Variants in LAMB1 observed in about 807,000 individuals in gnomAD.
The protein encoded by LAMB1 is laminin subunit beta 1, also known as laminin subunit beta-1.
In LAMB1, 121 loss-of-function variants were observed where a neutral mutation model predicts 222.3. The ratio of observed to expected loss-of-function variants is 0.54; its 90% CI spans 0.47 to 0.63. The LOEUF is 0.63. Ranked by LOEUF, LAMB1 falls within the 30% of genes least tolerant of loss-of-function variation. LAMB1 has a pLI of 0.00. For synonymous variants in LAMB1, 794 were observed against 807.2 expected (o/e 0.98, Z 0.28); for missense variants, 2,172 against 2,240.8 (o/e 0.97, Z 0.62).
At chr7:107,999,692 G>C (rs941087302) in intron 3 of LAMB1, 1 of 89,994 alleles carries the variant, frequency 1.1e-5, no homozygotes, top group Non-Finnish European at 2.1e-5. Context: ...CCTTTCTTTA[G>C]GCCCTATCTG....
chr7:107,959,846 G>C lies in LAMB1; in HGVS notation c.2315-12C>G, dbSNP rs1375824733. 1.2e-6 allele frequency: 2 copies of C among 1,610,558 alleles called. No homozygotes were observed. Among genetic ancestry groups the C allele is most frequent in the Non-Finnish European group, 1.7e-6 (2 of 1,178,162 alleles). Reference sequence around the variant, plus strand: ...GTCGCATTCACAAGCTGTGGGTAAAGAGAGGCCAGAACCCATGACACGGAG... The same window carrying C: ...GTCGCATTCACAAGCTGTGGGTAAACAGAGGCCAGAACCCATGACACGGAG... On this transcript the variant is annotated splice_polypyrimidine_tract_variant and intron_variant, in intron 18 of 33. Transcript: ENST00000222399.
intron 3 of LAMB1, among the ~76,000 whole-genome samples, 173 bp downstream of exon 3, chr7:108,001,385 T>G (rs575031462): frequency 6.6e-6 from 1 of 152,292 alleles, no homozygotes; most frequent in African/African-American, 2.4e-5. Flanking sequence ...GATGCAACTG[T>G]GCAAACTGAG....
intron 31 of LAMB1, among the ~76,000 whole-genome samples, chr7:107,928,500 G>GC (rs2032621377): frequency 6.7e-6 from 1 of 148,934 alleles, no homozygotes. Flanking sequence ...GAATAGGAGT[G>GC]CTTTTTTTTT....
intron 24 of LAMB1, among the ~76,000 whole-genome samples, chr7:107,944,574 G>A (rs1415193549): frequency 6.6e-6 from 1 of 152,152 alleles, no homozygotes; most frequent in Non-Finnish European, 1.5e-5. Flanking sequence ...AATGTACCAG[G>A]TTTTGATTTC....
chr7:107,996,678 C>T (rs897875613), intron 4 of LAMB1, among the ~76,000 whole-genome samples: 1 of 152,200 alleles, frequency 6.6e-6, no homozygotes, highest in African/African-American at 2.4e-5. Context: ...TTCTTTCTGG[C>T]ATCTGGTCTC....
intron 24 of LAMB1, among the ~76,000 whole-genome samples, chr7:107,943,986 C>T (rs1342807918): frequency 2.0e-5 from 3 of 152,140 alleles, no homozygotes; most frequent in African/African-American, 7.2e-5. Context: ...TAAAACTTAC[C>T]TTGTCTACCA....
chr7:107,948,222 A>G (rs936992979), intron 24 of LAMB1, among the ~76,000 whole-genome samples: 2 of 152,034 alleles, frequency 1.3e-5, no homozygotes, highest in Non-Finnish European at 2.9e-5. Context: ...CCTGACCTCA[A>G]GTGATCCGCC....
chr7:107,958,686 C>G (rs1207257060), intron 20 of LAMB1, among the ~76,000 whole-genome samples: 1 of 152,086 alleles, frequency 6.6e-6, no homozygotes, highest in Non-Finnish European at 1.5e-5. Flanking sequence ...ATTGAGCTAT[C>G]CTATTAATGT....
rs571064446 is a variant in LAMB1 at position 107,980,653 on chromosome 7, C to T, written c.835G>A (p.Glu279Lys). 5.5e-5 allele frequency: 89 copies of T among 1,614,096 alleles called. No individual in the cohort carries two copies. In the African/African-American group the frequency reaches 7.1e-4, roughly 13 times the overall value. The change falls in exon 8 of 34, where the codon GAA becomes AAA. Residue 279 changes from glutamate to lysine, a missense_variant. Physicochemically the swap from Glu to Lys is moderately conservative, Grantham distance 56. Transcript: ENST00000222399. ...TTGAATCCATCCACAGGGGCACATT[C>T]GCTGGCATGACCATAGCAGAAGCAA... ...GNCFCYGHAS[E>K]CAPVDGFNEE...
At position 108,002,847 on chromosome 7, in the gene LAMB1, A is replaced by G; in HGVS notation, c.37+2T>C. The G allele has an allele frequency of 6.2e-7, 1 of 1,614,076 alleles. No homozygotes were observed. The highest frequency in any genetic ancestry group is 8.5e-7 in the Non-Finnish European group (1 of 1,179,998). On this transcript the variant is annotated splice_donor_variant, in intron 2 of 33. Transcript: ENST00000222399. LOFTEE classifies it high-confidence loss of function. ...CTCCCCGCACCGTTTCCACGGAATTACCTAAGAAACTGAAAGCTAGCAACT... is the reference window on the plus strand; with the variant it reads ...CTCCCCGCACCGTTTCCACGGAATTGCCTAAGAAACTGAAAGCTAGCAACT...
intron 5 of LAMB1, among the ~76,000 whole-genome samples, chr7:107,986,641 C>T (rs1050189367): frequency 5.9e-5 from 9 of 152,166 alleles, no homozygotes; most frequent in African/African-American, 2.2e-4. Flanking sequence ...GCCTAAATAG[C>T]AAACACACTT....
chr7:107,994,845 T>C, intron 5 of LAMB1, 42 bp downstream of exon 5: 1 of 1,088,922 alleles, frequency 9.2e-7, no homozygotes, highest in Non-Finnish European at 1.4e-6. Context: ...CATTACACAG[T>C]GCTCTCATGT....
chr7:108,002,132 C>G, intron 2 of LAMB1: 1 of 1,467,358 alleles, frequency 6.8e-7, no homozygotes, highest in South Asian at 1.2e-5. Context: ...CACACCCACG[C>G]ACGTGAACCC....
Position 107,960,522 on chromosome 7 carries a change from A to G in LAMB1, c.2237T>C (p.Val746Ala). 6.2e-7 allele frequency: 1 copy of G among 1,614,208 alleles called. No individual in the cohort carries two copies. The highest frequency in any genetic ancestry group is 8.5e-7 in the Non-Finnish European group (1 of 1,180,018). The change falls in exon 18 of 34, where the codon GTT (valine) becomes GCT (alanine). Residue 746 changes from valine (V) to alanine (A), a missense_variant. By Grantham distance (64) the Val-to-Ala change is moderately conservative (BLOSUM62 0). Transcript: ENST00000222399. ...AACATCTGTCATCGGTGTTTTCACA[A>G]CGCTTCTGCTGTTCTCTAGACATCG... ...RYRCLENSRS[V>A]VKTPMTDVCR...
intron 13 of LAMB1, among the ~76,000 whole-genome samples, chr7:107,966,557 G>T (rs1260525894): frequency 2.0e-5 from 3 of 152,164 alleles, no homozygotes; most frequent in Non-Finnish European, 4.4e-5. Flanking sequence ...AGAAAGGAAA[G>T]CTTGTTCCAA....
chr7:107,955,424 C>T, intron 21 of LAMB1, 43 bp downstream of exon 21: 1 of 1,552,414 alleles, frequency 6.4e-7, no homozygotes, highest in Non-Finnish European at 8.8e-7. Flanking sequence ...ATAAAGACAT[C>T]TTTTTCTCTC....
At chr7:107,978,869 G>C (rs1331680618) in intron 8 of LAMB1, among the ~76,000 whole-genome samples, 1 of 152,158 alleles carries the variant, frequency 6.6e-6, no homozygotes, top group Non-Finnish European at 1.5e-5. Flanking sequence ...GCATATAAAT[G>C]ATAAATGAAT....
At chr7:107,972,958 C>T in intron 13 of LAMB1, 34 bp downstream of exon 13, 1 of 1,526,114 alleles carries the variant, frequency 6.6e-7, no homozygotes, top group South Asian at 1.1e-5. Context: ...TCCTGGAAGA[C>T]TGAGGACAAG....
intron 31 of LAMB1, among the ~76,000 whole-genome samples, chr7:107,928,859 A>G (rs913403436): frequency 6.6e-6 from 1 of 150,702 alleles, no homozygotes; most frequent in Non-Finnish European, 1.5e-5. Flanking sequence ...GTAATGGTCC[A>G]GTGTCTGAAT....
Sources: allele counts gnomAD v4.1 joint callset (sites outside exome capture counted in the v4.1 genomes callset), GRCh38; gene constraint gnomAD v4.1.1; transcripts MANE v1.5; gene names NCBI Gene and HGNC (gene_info 2026-07-23, HGNC 2026-07-21).